Variants in DMXL1 observed in about 807,000 individuals in gnomAD.
DMXL1 encodes the protein Dmx like 1.
A neutral mutation model predicts 319.2 loss-of-function variants in DMXL1; 99 were observed. The ratio of observed to expected loss-of-function variants is 0.31; its 90% CI spans 0.26 to 0.37. The LOEUF (loss-of-function observed/expected upper bound fraction) is 0.37. DMXL1 is among the 10% of genes least tolerant of loss of function. DMXL1 has a pLI of 1.00. For synonymous variants in DMXL1, 1,385 were observed against 1,235.2 expected (o/e 1.12, Z -2.54); for missense variants, 3,745 against 3,595.6 (o/e 1.04, Z -1.06).
chr5:119,197,795 A>C lies in DMXL1; in HGVS notation c.7584A>C (p.Lys2528Asn), dbSNP rs541108204. Residue 2528 changes from lysine (K) to asparagine (N), a missense_variant, in exon 32 of 44, where the codon AAA (lysine) becomes AAC (asparagine). Transcript: ENST00000539542. ...VSSPLCHAVLKTLQCWEQVLL... is the reference protein window; with the variant it reads ...VSSPLCHAVLNTLQCWEQVLL... Reference sequence around the variant, plus strand: ...CACCTCTTTGTCATGCGGTTCTAAAAACTCTTCAATGTTGGGAACAAGTTC... The same window carrying C: ...CACCTCTTTGTCATGCGGTTCTAAACACTCTTCAATGTTGGGAACAAGTTC... 5.0e-6 allele frequency: 8 copies of C among 1,614,134 alleles called. No homozygotes were observed. The African/African-American group carries it at 1.1e-4, about 22-fold the overall frequency.
At chr5:119,144,410 T>G in intron 14 of DMXL1, 126 bp from the exon 15 acceptor site, 1 of 691,094 alleles carries the variant, frequency 1.4e-6, no homozygotes, top group Non-Finnish European at 2.5e-6. Context: ...ACGCTTACGT[T>G]CTGCTGAACT....
chr5:119,209,935 C>T (rs1381239353), intron 34 of DMXL1, among the ~76,000 whole-genome samples: 2 of 152,004 alleles, frequency 1.3e-5, no homozygotes, highest in Non-Finnish European at 2.9e-5. Context: ...TACTCTATGG[C>T]TTGTCTTTTC....
chr5:119,164,737 C>G (rs1441059144), intron 20 of DMXL1, 61 bp downstream of exon 20: 1 of 1,432,436 alleles, frequency 7.0e-7, no homozygotes, highest in Non-Finnish European at 9.5e-7. Context: ...CTTTAAATGG[C>G]ATTTCATATC....
chr5:119,188,692 A>G (rs971508382), intron 28 of DMXL1, among the ~76,000 whole-genome samples: 12 of 152,210 alleles, frequency 7.9e-5, no homozygotes, highest in African/African-American at 2.9e-4. Context: ...TTAAGTAATA[A>G]TCATGCCACT....
rs972531749 is a variant in DMXL1, at chr5:119,193,899, C to CAAT, written c.7387_7389dup (p.Asn2463dup). ...AGAGTCTGGGAAGTGATGATGATGA[C>CAAT]AATGATGATGATGATGATGTTTTAG... On this transcript the variant is annotated inframe_insertion, in exon 30 of 44. Coordinates refer to ENST00000539542, the MANE Select transcript of DMXL1 (RefSeq NM_001290321.3). 1 of 1,611,632 alleles carries CAAT rather than the reference C, an allele frequency of 6.2e-7. No individual in the cohort carries two copies. The highest frequency in any genetic ancestry group is 8.5e-7 in the Non-Finnish European group (1 of 1,178,500).
intron 37 of DMXL1, among the ~76,000 whole-genome samples, chr5:119,224,317 A>G (rs1785158130): frequency 6.6e-6 from 1 of 152,100 alleles, no homozygotes; most frequent in Admixed American, 6.5e-5. Context: ...TAAAATGAGT[A>G]AATACATAGT....
chr5:119,072,189 A>G (rs541971807), intron 1 of DMXL1, among the ~76,000 whole-genome samples: 1 of 152,288 alleles, frequency 6.6e-6, no homozygotes, highest in East Asian at 1.9e-4. Flanking sequence ...TTCGGAAAGA[A>G]AAAAAAGCCT....
At chr5:119,124,922 T>C (rs991427216) in intron 9 of DMXL1, among the ~76,000 whole-genome samples, 1 of 152,190 alleles carries the variant, frequency 6.6e-6, no homozygotes, top group South Asian at 2.1e-4. Flanking sequence ...CAAAATTTGT[T>C]ATAAATTAAG....
In DMXL1 at chr5:119,105,095, T is replaced by C. The variant is rs530271176; in HGVS notation, c.286-85T>C. The C allele has an allele frequency of 6.1e-5, 53 of 865,116 alleles. No homozygotes were observed. In the African/African-American group the frequency reaches 7.9e-4, roughly 13 times the overall value. The allele number at this position is 865,116 out of a possible 1,614,324, so 53.6% of individuals were successfully genotyped here. On this transcript the variant is annotated intron_variant, in intron 3 of 43. Coordinates refer to ENST00000539542, the MANE Select transcript of DMXL1 (RefSeq NM_001290321.3). ...CTTTAAAATTGACTGCCTGTGTTATTGTAAGAATAACAAGCATAAACGTAC... is the reference window on the plus strand; with the variant it reads ...CTTTAAAATTGACTGCCTGTGTTATCGTAAGAATAACAAGCATAAACGTAC...
chr5:119,073,926 T>G (rs918908072), intron 1 of DMXL1, among the ~76,000 whole-genome samples: 4 of 151,850 alleles, frequency 2.6e-5, no homozygotes, highest in Admixed American at 6.6e-5. Flanking sequence ...TTGTGTTGTT[T>G]TTTTTTTTTG....
chr5:119,151,414 G>A lies in DMXL1; in HGVS notation c.4595-515G>A, dbSNP rs148353462. Among the ~76,000 whole-genome samples, 815 of 152,150 alleles carry A rather than the reference G, an allele frequency of 5.4e-3. 3 individuals are homozygous for A. Among genetic ancestry groups the A allele is most frequent in the African/African-American group, 0.019 (785 of 41,516 alleles). On this transcript the variant is annotated intron_variant, in intron 18 of 43. Transcript: ENST00000539542. Reference sequence around the variant, plus strand: ...TTTAAATTTAAGAAAAATTAAGTTGGTTATGAATCTTGACACTTTTAGAGA... The same window carrying A: ...TTTAAATTTAAGAAAAATTAAGTTGATTATGAATCTTGACACTTTTAGAGA...
At chr5:119,173,875 A>C (rs762900647) in intron 25 of DMXL1, among the ~76,000 whole-genome samples, 8 of 148,576 alleles carry the variant, frequency 5.4e-5, no homozygotes, top group African/African-American at 7.5e-5. Flanking sequence ...TGCAGTTGGC[A>C]AGTTGGACAC....
chr5:119,179,492 G>C (rs1051042785), intron 28 of DMXL1, among the ~76,000 whole-genome samples: 1 of 151,988 alleles, frequency 6.6e-6, no homozygotes, highest in Non-Finnish European at 1.5e-5. Context: ...GGACATGAGA[G>C]AATAAGAAAA....
At chr5:119,095,503 C>T (rs1220223358) in intron 1 of DMXL1, among the ~76,000 whole-genome samples, 5 of 152,068 alleles carry the variant, frequency 3.3e-5, no homozygotes, top group South Asian at 2.1e-4. Flanking sequence ...ATACTTGCAA[C>T]GTAATATCTG....
At chr5:119,146,708 T>C in intron 15 of DMXL1, 129 bp from the exon 16 acceptor site, 1 of 780,890 alleles carries the variant, frequency 1.3e-6, no homozygotes, top group Non-Finnish European at 1.9e-6. Flanking sequence ...TAATACCACT[T>C]GTGTTTGAAG....
chr5:119,173,776 G>GTGTATATA, intron 25 of DMXL1, among the ~76,000 whole-genome samples: 15 of 67,166 alleles, frequency 2.2e-4, no homozygotes, highest in East Asian at 9.1e-4. Flanking sequence ...ATGTGTGTGT[G>GTGTATATA]TATATATATA....
intron 14 of DMXL1, 122 bp downstream of exon 14, chr5:119,144,052 T>C: frequency 1.6e-6 from 1 of 610,816 alleles, no homozygotes; most frequent in Non-Finnish European, 2.9e-6. Context: ...ATTCAGTAAT[T>C]AACTCATCAC....
chr5:119,129,417 G>A lies in DMXL1; in HGVS notation c.1309G>A (p.Asp437Asn). The change falls in exon 10 of 44, where the codon GAT becomes AAT. Residue 437 changes from aspartate (D) to asparagine (N), a missense_variant. Asp to Asn is a conservative substitution (Grantham distance 23). Around this residue, in one of 4 missense-constraint regions of DMXL1, gnomAD observed 2,096 missense variants for 1,985.4 expected, o/e 1.06. Transcript: ENST00000539542. ...TTCTAATCAGGCAGATGTAAAATCT[G>A]ATGAAGGTAAACTTTAAGAGGAAAG... is the stretch of plus-strand genomic sequence containing the variant. Reference protein sequence around the residue: ...EDSNQADVKSDEETDDGVDDL... With the variant: ...EDSNQADVKSNEETDDGVDDL... 1.2e-6 allele frequency: 2 copies of A among 1,600,952 alleles called. No individual in the cohort carries two copies. The highest frequency in any genetic ancestry group is 1.7e-6 in the Non-Finnish European group (2 of 1,175,350).
At chr5:119,106,948 G>T (rs895121913) in intron 4 of DMXL1, among the ~76,000 whole-genome samples, 4 of 152,190 alleles carry the variant, frequency 2.6e-5, no homozygotes, top group Non-Finnish European at 5.9e-5. Flanking sequence ...AGGAGTTAGA[G>T]GTAGTGGAAC....
Sources: gnomAD v4.1 joint callset for allele counts (sites outside exome capture counted in the v4.1 genomes callset) on GRCh38, gnomAD v4.1.1 for gene constraint, gnomAD v4.1.1 regional missense constraint, MANE v1.5 for transcripts, NCBI Gene and HGNC (gene_info 2026-07-23, HGNC 2026-07-21) for gene names.